Variants in OR3A2 observed in about 807,000 individuals in gnomAD.
The protein encoded by OR3A2 is olfactory receptor family 3 subfamily A member 2, also known as olfactory receptor 3A2.
For synonymous variants in OR3A2, 126 were observed against 159.3 expected (o/e 0.79, Z 1.57); for missense variants, 318 against 392.8 (o/e 0.81, Z 1.61).
intron 2 of OR3A2, among the ~76,000 whole-genome samples, chr17:3,343,483 T>C (rs1010221051): frequency 6.6e-6 from 1 of 152,226 alleles, no homozygotes; most frequent in Admixed American, 6.5e-5. Flanking sequence ...CAATATCTCA[T>C]TTTGGAGAAT....
intron 2 of OR3A2, among the ~76,000 whole-genome samples, chr17:3,367,559 TGAG>T (rs2049574559): frequency 6.7e-6 from 1 of 149,614 alleles, no homozygotes; most frequent in South Asian, 2.1e-4. Flanking sequence ...TTTTTATGGC[TGAG>T]TAGTATTCCA....
At chr17:3,369,360 T>C (rs1426222338) in intron 2 of OR3A2, among the ~76,000 whole-genome samples, 2 of 152,222 alleles carry the variant, frequency 1.3e-5, no homozygotes, top group Non-Finnish European at 2.9e-5. Context: ...CAGTATAATG[T>C]TGGCTGTGGG....
chr17:3,306,907 G>A (rs572533029), intron 3 of OR3A2, among the ~76,000 whole-genome samples: 1 of 152,328 alleles, frequency 6.6e-6, no homozygotes, highest in South Asian at 2.1e-4. Context: ...ATAAGTGAGT[G>A]TCACTCTTAT....
In OR3A2 at chr17:3,311,309, AC is replaced by A. The variant is rs754684469; in HGVS notation, c.-85+24723del. The A allele has an allele frequency of 1.9e-6, 1 of 534,106 alleles. No homozygotes were observed. The highest frequency in any genetic ancestry group is 3.8e-6 in the Non-Finnish European group (1 of 260,010). 33.1% of individuals were successfully genotyped at this position (534,106 alleles called of 1,614,324 possible). Reference sequence around the variant, plus strand: ...TGCAGTTCACAGCTCTTCTTTCCCCACCTCCTGGCTGGGGTGGACTGTCACC... The same window carrying A: ...TGCAGTTCACAGCTCTTCTTTCCCCACTCCTGGCTGGGGTGGACTGTCACC... On this transcript the variant is annotated intron_variant, in intron 3 of 4. Coordinates refer to the OR3A2 transcript ENST00000573491. The surrounding 1 kb of genome is among the most constrained non-coding windows in gnomAD (Gnocchi z 4.6).
chr17:3,346,114 A>T (rs539887963), intron 2 of OR3A2, among the ~76,000 whole-genome samples: 1 of 152,162 alleles, frequency 6.6e-6, no homozygotes, highest in South Asian at 2.1e-4. Context: ...CAGAGCTAAT[A>T]AAAAAAATTG....
At chr17:3,279,050 C>T (rs1010570797) in intron 1 of OR3A2, 26 bp downstream of exon 4, 6 of 1,476,084 alleles carry the variant, frequency 4.1e-6, no homozygotes, top group Non-Finnish European at 5.5e-6. Flanking sequence ...ACTCGTTGAC[C>T]TCCTCCATCA....
At chr17:3,288,576 C>T (rs776775952), upstream of OR3A2, among the ~76,000 whole-genome samples, 1 of 152,088 alleles carries the variant, frequency 6.6e-6, no homozygotes, top group African/African-American at 2.4e-5. Flanking sequence ...TTCAACCACA[C>T]CCATAATCAA....
intron 3 of OR3A2, among the ~76,000 whole-genome samples, chr17:3,330,514 T>C (rs1312806854): frequency 6.6e-6 from 1 of 152,160 alleles, no homozygotes; most frequent in Non-Finnish European, 1.5e-5. Flanking sequence ...GTCTGATTTA[T>C]CAGAGACTAG....
intron 3 of OR3A2, chr17:3,310,533 G>A: frequency 1.9e-6 from 1 of 535,976 alleles, no homozygotes; most frequent in Non-Finnish European, 3.8e-6. Flanking sequence ...GCCAGATGTG[G>A]GGTGTGTCAG....
chr17:3,311,641 GT>G lies in OR3A2; in HGVS notation c.-85+24391del. 1 of 337,794 alleles carries G rather than the reference GT, an allele frequency of 3.0e-6. No individual in the cohort carries two copies. The highest frequency in any genetic ancestry group is 6.0e-6 in the Non-Finnish European group (1 of 165,346). 20.9% of individuals were successfully genotyped at this position (337,794 alleles called of 1,614,324 possible). A position where few individuals can be genotyped will look rare whatever the true frequency, so the allele number is the denominator to read the frequency against. On this transcript the variant is annotated intron_variant, in intron 3 of 4. Transcript: ENST00000573491. The surrounding 1 kb of genome is among the most constrained non-coding windows in gnomAD (Gnocchi z 4.6). ...AGTGATCCCCATGATCTTTATCTCAGTGTCCTATGCCCACGTCACAGCTGCA... is the reference window on the plus strand; with the variant it reads ...AGTGATCCCCATGATCTTTATCTCAGGTCCTATGCCCACGTCACAGCTGCA...
At position 3,359,817 on chromosome 17, in the gene OR3A2, T is replaced by C. The variant is rs1026275683; in HGVS notation, c.-178-23691A>G. ...TGCCACATTTTCTTAATCCAGTCTA[T>C]CATTGTTGGACATTTGGGTTGGTTC... On this transcript the variant is annotated intron_variant, in intron 2 of 4. Transcript: ENST00000573491. Among the ~76,000 whole-genome samples, 9 of 151,786 alleles carry C rather than the reference T, an allele frequency of 5.9e-5. 1 individual carries two copies. Among genetic ancestry groups the C allele is most frequent in the African/African-American group, 2.2e-4 (9 of 41,052 alleles).
chr17:3,280,928 A>G (rs895110027), intron 1 of OR3A2, among the ~76,000 whole-genome samples: 7 of 152,174 alleles, frequency 4.6e-5, no homozygotes, highest in Admixed American at 1.3e-4. Flanking sequence ...TGGTCTCACT[A>G]AGATCTGGAA....
intron 2 of OR3A2, among the ~76,000 whole-genome samples, chr17:3,362,337 A>C (rs1308921525): frequency 1.3e-5 from 2 of 151,414 alleles, no homozygotes; most frequent in East Asian, 3.9e-4. Flanking sequence ...CTAGCAGTCT[A>C]TCAATTTTGT....
In OR3A2 at chr17:3,351,669, T is replaced by C. The variant is rs1367460227; in HGVS notation, c.-178-15543A>G. Among the ~76,000 whole-genome samples, 5 of 144,094 alleles carry C rather than the reference T, an allele frequency of 3.5e-5. No individual in the cohort carries two copies. The South Asian group carries it at 7.1e-4, about 20-fold the overall frequency. The allele number at this position is 144,094 out of a possible 152,430, so 94.5% of individuals were successfully genotyped here. A position where few individuals can be genotyped will look rare whatever the true frequency, so the allele number is the denominator to read the frequency against. ...GCTACCAATGACTTTCTTCACAGAA[T>C]TGGAAAAAACTACTTTAAAGTTCAT... On this transcript the variant is annotated intron_variant, in intron 2 of 4. Coordinates refer to the OR3A2 transcript ENST00000573491.
intron 3 of OR3A2, among the ~76,000 whole-genome samples, chr17:3,313,019 TAAG>T (rs752067825): frequency 6.6e-6 from 1 of 152,174 alleles, no homozygotes; most frequent in Admixed American, 6.5e-5. Flanking sequence ...AGGAGACTGA[TAAG>T]AAGGGGAAAC....
intron 2 of OR3A2, among the ~76,000 whole-genome samples, chr17:3,356,369 T>C (rs1238486663): frequency 6.6e-6 from 1 of 151,540 alleles, no homozygotes; most frequent in African/African-American, 2.4e-5. Context: ...TAACATCCTT[T>C]TCTTTCAGAG....
intron 2 of OR3A2, among the ~76,000 whole-genome samples, chr17:3,348,362 G>T (rs1303688192): frequency 6.6e-6 from 1 of 152,032 alleles, no homozygotes; most frequent in Non-Finnish European, 1.5e-5. Context: ...TTTCTTCTAG[G>T]GTTTTCATGG....
At chr17:3,305,897 A>T (rs552162662) in intron 3 of OR3A2, among the ~76,000 whole-genome samples, 1 of 152,334 alleles carries the variant, frequency 6.6e-6, no homozygotes, top group Admixed American at 6.5e-5. Context: ...GATAAGCTCC[A>T]TGTAGGGAGG....
At chr17:3,318,091 CA>C (rs1454889071) in intron 3 of OR3A2, among the ~76,000 whole-genome samples, 5 of 152,188 alleles carry the variant, frequency 3.3e-5, no homozygotes, top group African/African-American at 1.2e-4. Flanking sequence ...AGCAAGTCTT[CA>C]AAGAAAGGTT....
Sources: gnomAD v4.1 joint callset for allele counts (sites outside exome capture counted in the v4.1 genomes callset) on GRCh38, gnomAD v4.1.1 for gene constraint, Gnocchi (gnomAD v3.1) non-coding constraint, MANE v1.5 for transcripts, NCBI Gene and HGNC (gene_info 2026-07-23, HGNC 2026-07-21) for gene names.